Variants in RORA observed in about 807,000 individuals in gnomAD.
The protein encoded by RORA is nuclear receptor ROR-alpha.
In RORA, 7 loss-of-function variants were observed where a neutral mutation model predicts 69.5. That is an observed-to-expected ratio of 0.10 (90% CI 0.06 to 0.19). RORA has a LOEUF of 0.19. Among genes scored for constraint, RORA ranks in the 10% least tolerant of loss-of-function variants. The pLI is 1.00. For synonymous variants in RORA, 261 were observed against 240.8 expected, an observed-to-expected ratio of 1.08 and a Z score of -0.78; for missense variants, 457 against 663.0, an observed-to-expected ratio of 0.69 and a Z score of 3.41.
chr15:60,682,245 ATAGTAT>A (rs1430892308), intron 1 of RORA: 1 of 152,256 alleles, frequency 6.6e-6, no homozygotes, highest in Non-Finnish European at 1.5e-5. Flanking sequence ...AGCAACTCAC[ATAGTAT>A]TAGTTTAACC....
Position 60,491,493 on chromosome 15 carries a change from A to G in RORA, c.*5962T>C, listed in dbSNP as rs925431090. The G allele has an allele frequency of 3.3e-5, 5 of 152,080 alleles. No homozygotes were observed. The highest frequency in any genetic ancestry group is 9.7e-5 in the African/African-American group (4 of 41,410). 9.4% of individuals were successfully genotyped at this position (152,080 alleles called of 1,614,324 possible). On this transcript the variant is annotated 3_prime_UTR_variant, in exon 11 of 11. Coordinates refer to ENST00000335670, the MANE Select transcript of RORA (RefSeq NM_134261.3). The stretch of plus-strand genomic sequence containing the variant: ...CTTTCTCAATATAAGACTCCATGTT[A>G]TGTTGCATCACTGACAAAAGGTTGT...
chr15:60,789,223 C>G (rs148240315), intron 1 of RORA, among the ~76,000 whole-genome samples: 1 of 152,336 alleles, frequency 6.6e-6, no homozygotes, highest in East Asian at 1.9e-4. Flanking sequence ...ATCAGGTGTT[C>G]CCAAGGAACA....
At chr15:60,589,745 T>G (rs1424327158) in intron 2 of RORA, among the ~76,000 whole-genome samples, 1 of 152,110 alleles carries the variant, frequency 6.6e-6, no homozygotes, top group Admixed American at 6.5e-5. Flanking sequence ...CTTTGGTGAG[T>G]TCAAAGGGCC....
intron 3 of RORA, among the ~76,000 whole-genome samples, chr15:60,516,105 ATAT>A (rs1449382805): frequency 1.6e-5 from 1 of 62,606 alleles, no homozygotes; most frequent in African/African-American, 5.9e-5. Flanking sequence ...ATATATTTAT[ATAT>A]TATATTATAT....
intron 1 of RORA, among the ~76,000 whole-genome samples, chr15:60,976,258 C>T (rs1271735391): frequency 6.6e-6 from 1 of 152,208 alleles, no homozygotes; most frequent in Non-Finnish European, 1.5e-5. Flanking sequence ...CCCTGCGGGA[C>T]TCAATGCGTG....
chr15:60,645,152 A>G (rs2070016389), intron 2 of RORA, among the ~76,000 whole-genome samples: 1 of 152,094 alleles, frequency 6.6e-6, no homozygotes, highest in Admixed American at 6.6e-5. Flanking sequence ...AAATTCCATG[A>G]TAAGCTATGA....
chr15:60,639,765 G>A (rs1236425671), intron 2 of RORA, among the ~76,000 whole-genome samples: 1 of 152,176 alleles, frequency 6.6e-6, no homozygotes, highest in Non-Finnish European at 1.5e-5. Context: ...CCTGACTCAC[G>A]GGTTGTGAGG....
intron 1 of RORA, chr15:60,681,691 TG>T (rs2070644825): frequency 6.6e-6 from 1 of 152,234 alleles, no homozygotes; most frequent in East Asian, 1.9e-4. Context: ...AAATGAGGGA[TG>T]GGTCTCCCCT....
In RORA at chr15:61,066,418, C is replaced by CTTTT. The variant is rs1168663714; in HGVS notation, c.166+162631_166+162634dup. ...AATTGTGGGAAGACAGGGCATATTCCTTTTTTTTTTTTTTTTTTTTTTTTT... is the reference window on the plus strand; with the variant it reads ...AATTGTGGGAAGACAGGGCATATTCCTTTTTTTTTTTTTTTTTTTTTTTTTTTTT... On this transcript the variant is annotated intron_variant, in intron 1 of 10. Transcript: ENST00000335670. Among the ~76,000 whole-genome samples, 115 of 80,954 alleles carry CTTTT rather than the reference C, an allele frequency of 1.4e-3. 1 individual carries two copies. Among genetic ancestry groups the CTTTT allele is most frequent in the African/African-American group, 2.9e-3 (59 of 20,406 alleles). The allele number at this position is 80,954 out of a possible 152,430, so 53.1% of individuals were successfully genotyped here.
intron 1 of RORA, among the ~76,000 whole-genome samples, chr15:60,924,262 T>C (rs1383707166): frequency 1.3e-5 from 2 of 150,754 alleles, no homozygotes; most frequent in Non-Finnish European, 3.0e-5. Flanking sequence ...AGGGGTTGAG[T>C]TACATTTATT....
chr15:60,798,688 C>T (rs2072533757), intron 1 of RORA, among the ~76,000 whole-genome samples: 1 of 151,950 alleles, frequency 6.6e-6, no homozygotes, highest in Non-Finnish European at 1.5e-5. Context: ...AGCATGGTAG[C>T]GGGGAGGGGA....
intron 2 of RORA, among the ~76,000 whole-genome samples, chr15:60,572,038 C>G (rs1450871818): frequency 2.0e-5 from 3 of 152,166 alleles, no homozygotes; most frequent in Non-Finnish European, 4.4e-5. Flanking sequence ...CAGATGAGGA[C>G]AGGGAGGCCT....
chr15:61,067,973 A>G (rs1460998921), intron 1 of RORA, among the ~76,000 whole-genome samples: 1 of 152,222 alleles, frequency 6.6e-6, no homozygotes, highest in African/African-American at 2.4e-5. Flanking sequence ...AGAGGGTCAG[A>G]GATATGCTTT....
chr15:60,955,458 C>G (rs1408685046), intron 1 of RORA, among the ~76,000 whole-genome samples: 2 of 152,172 alleles, frequency 1.3e-5, no homozygotes, highest in Non-Finnish European at 2.9e-5. Context: ...CAATAAATAT[C>G]AGGCAGACCT....
chr15:60,792,573 A>G (rs1351666645), intron 1 of RORA, among the ~76,000 whole-genome samples: 1 of 152,250 alleles, frequency 6.6e-6, no homozygotes, highest in Non-Finnish European at 1.5e-5. Context: ...GACCTACAGC[A>G]GAAACAACAA....
At chr15:60,679,095 G>T (rs2070601355) in intron 1 of RORA, among the ~76,000 whole-genome samples, 1 of 152,192 alleles carries the variant, frequency 6.6e-6, no homozygotes, top group Non-Finnish European at 1.5e-5. Flanking sequence ...CAATTAATTT[G>T]CTATGGCCAT....
chr15:61,172,970 A>G (rs1188245142), intron 1 of RORA, among the ~76,000 whole-genome samples: 1 of 152,212 alleles, frequency 6.6e-6, no homozygotes, highest in Non-Finnish European at 1.5e-5. Flanking sequence ...TTTTGCTACC[A>G]AACAAAATTA....
chr15:60,520,143 A>G (rs535672803), intron 3 of RORA: 145 of 152,344 alleles, frequency 9.5e-4, no homozygotes, highest in African/African-American at 3.2e-3. Context: ...ATGCCTGCTG[A>G]AAAGTTCTGG....
intron 2 of RORA, among the ~76,000 whole-genome samples, chr15:60,591,509 C>T (rs550450948): frequency 2.6e-5 from 4 of 152,338 alleles, no homozygotes; most frequent in East Asian, 3.9e-4. Flanking sequence ...AACCAAATCC[C>T]CCTCCCCTCC....
Sources: allele counts gnomAD v4.1 joint callset (sites outside exome capture counted in the v4.1 genomes callset), GRCh38; gene constraint gnomAD v4.1.1; transcripts MANE v1.5; gene names NCBI Gene and HGNC (gene_info 2026-07-23, HGNC 2026-07-21).